Variants in NUCB2 observed in about 807,000 individuals in gnomAD.
NUCB2 encodes nucleobindin-2.
NUCB2 carries 48 observed loss-of-function variants against 57.9 expected under a neutral mutation model. The observed-to-expected ratio is 0.83, with a 90% CI of 0.66 to 1.05. The LOEUF is 1.05. Ranked by LOEUF, NUCB2 falls within the 50% of genes least tolerant of loss-of-function variation. The pLI is 0.00. For missense variants in NUCB2, 442 were observed against 476.2 expected (o/e 0.93, Z 0.67); for synonymous variants, 139 against 152.1 (o/e 0.91, Z 0.64).
chr11:17,322,464 A>T (rs1458649904), intron 11 of NUCB2, among the ~76,000 whole-genome samples: 1 of 152,078 alleles, frequency 6.6e-6, no homozygotes, highest in Non-Finnish European at 1.5e-5. Context: ...GTCTGTTTTT[A>T]TGCCAGTACG....
intron 11 of NUCB2, among the ~76,000 whole-genome samples, chr11:17,316,132 C>T (rs534034902): frequency 8.8e-4 from 134 of 152,042 alleles, no homozygotes; most frequent in African/African-American, 3.1e-3. Context: ...CCACCACGCC[C>T]GGCTAATTTT....
chr11:17,303,864 G>A (rs1207964652), intron 5 of NUCB2, among the ~76,000 whole-genome samples: 4 of 139,270 alleles, frequency 2.9e-5, no homozygotes, highest in African/African-American at 1.1e-4. Context: ...CAGCCTGGGC[G>A]ACAGAGCGAG....
chr11:17,339,362 T>G (rs921080125), intron 2 of NUCB2, among the ~76,000 whole-genome samples: 2 of 152,170 alleles, frequency 1.3e-5, no homozygotes, highest in Non-Finnish European at 2.9e-5. Context: ...GTGATTTTTT[T>G]TATTATACTT....
intron 5 of NUCB2, among the ~76,000 whole-genome samples, chr11:17,302,154 A>C (rs1010440414): frequency 6.6e-6 from 1 of 152,082 alleles, no homozygotes; most frequent in Non-Finnish European, 1.5e-5. Context: ...ATCTTGACCA[A>C]AGAGCTGGGA....
At chr11:17,327,683 A>G (rs1950869674) in intron 11 of NUCB2, among the ~76,000 whole-genome samples, 1 of 152,064 alleles carries the variant, frequency 6.6e-6, no homozygotes, top group Non-Finnish European at 1.5e-5. Flanking sequence ...ATTCTTTCTT[A>G]TACTTGATCA....
At chr11:17,302,923 A>G (rs984538018) in intron 5 of NUCB2, among the ~76,000 whole-genome samples, 12 of 152,156 alleles carry the variant, frequency 7.9e-5, no homozygotes, top group Admixed American at 3.9e-4. Flanking sequence ...TATTTTTAGT[A>G]GAGACGGGGT....
At chr11:17,322,522 G>A (rs943523588) in intron 11 of NUCB2, among the ~76,000 whole-genome samples, 5 of 151,988 alleles carry the variant, frequency 3.3e-5, no homozygotes, top group Non-Finnish European at 2.9e-5. Context: ...GAAGTCAAAT[G>A]ATGTGATTCC....
intron 5 of NUCB2, among the ~76,000 whole-genome samples, chr11:17,304,744 A>G (rs369734127): frequency 5.3e-5 from 8 of 152,348 alleles, no homozygotes; most frequent in East Asian, 1.9e-4. Context: ...ACAGAATGGA[A>G]GAAAAGGACT....
chr11:17,285,014 AATACATAC>A (rs10566571), intron 2 of NUCB2, among the ~76,000 whole-genome samples: 7 of 151,266 alleles, frequency 4.6e-5, no homozygotes, highest in South Asian at 2.1e-4. Flanking sequence ...ACAAAGTCTC[AATACATAC>A]ATACATACAT....
chr11:17,302,021 T>C lies in NUCB2; in HGVS notation c.379+151T>C, dbSNP rs1405720091. On this transcript the variant is annotated intron_variant, in intron 5 of 13. Coordinates refer to ENST00000529010, the MANE Select transcript of NUCB2 (RefSeq NM_005013.4). ...CTCAAGTGATCCTCCCATCTCAACC[T>C]CCTGAGTAGCTGAGACCACAGGTGT... is the stretch of plus-strand genomic sequence containing the variant. 5.0e-6 allele frequency: 3 copies of C among 603,518 alleles called. No homozygotes were observed. In the African/African-American group the frequency reaches 5.6e-5, roughly 11 times the overall value. 37.4% of individuals were successfully genotyped at this position (603,518 alleles called of 1,614,324 possible). A position where few individuals can be genotyped will look rare whatever the true frequency, so the allele number is the denominator to read the frequency against.
At chr11:17,345,504 A>G (rs1347885907) in intron 2 of NUCB2, among the ~76,000 whole-genome samples, 1 of 152,050 alleles carries the variant, frequency 6.6e-6, no homozygotes, top group Non-Finnish European at 1.5e-5. Flanking sequence ...GTCAGGTGTT[A>G]AAGACCAGCC....
At chr11:17,287,005 C>G (rs951603260) in intron 2 of NUCB2, among the ~76,000 whole-genome samples, 4 of 151,774 alleles carry the variant, frequency 2.6e-5, no homozygotes, top group African/African-American at 9.7e-5. Flanking sequence ...CTAGTTATGT[C>G]TAGAATAAGC....
chr11:17,314,346 C>A (rs930977766), intron 10 of NUCB2, among the ~76,000 whole-genome samples: 6 of 152,172 alleles, frequency 3.9e-5, no homozygotes, highest in Non-Finnish European at 1.5e-5. Flanking sequence ...GTCATGTGCT[C>A]TCTTGCACAG....
rs1316133611 is a variant in NUCB2 at position 17,296,140 on chromosome 11, G to A, written c.181G>A (p.Val61Met). The A allele has an allele frequency of 1.2e-6, 2 of 1,611,640 alleles. No individual in the cohort carries two copies. Among genetic ancestry groups the A allele is most frequent in the Admixed American group, 1.7e-5 (1 of 59,888 alleles). The change falls in exon 4 of 14, where the codon GTG (valine) becomes ATG (methionine). Residue 61 changes from valine to methionine, a missense_variant. By Grantham distance (21) the Val-to-Met change is conservative. Transcript: ENST00000529010. The part of the protein sequence containing the change: ...GLYYDEYLKQ[V>M]IDVLETDKHF... ...TTATTATGATGAATATCTCAAGCAAGTGATTGATGTGCTGGAAACAGATAA... is the reference window on the plus strand; with the variant it reads ...TTATTATGATGAATATCTCAAGCAAATGATTGATGTGCTGGAAACAGATAA...
chr11:17,346,177 A>T (rs1952720130), intron 2 of NUCB2, among the ~76,000 whole-genome samples: 1 of 152,238 alleles, frequency 6.6e-6, no homozygotes, highest in African/African-American at 2.4e-5. Flanking sequence ...CCAATGAAGG[A>T]ACCCCTTCTC....
intron 2 of NUCB2, among the ~76,000 whole-genome samples, chr11:17,337,879 C>T (rs1951942267): frequency 6.6e-6 from 1 of 152,186 alleles, no homozygotes; most frequent in Admixed American, 6.5e-5. Context: ...AGGTGATCTG[C>T]CCGCCTCAGC....
At chr11:17,279,779 ATTTTTTT>A (rs34261908) in intron 1 of NUCB2, among the ~76,000 whole-genome samples, 2 of 96,360 alleles carry the variant, frequency 2.1e-5, no homozygotes, top group Non-Finnish European at 2.1e-5. Context: ...TTGGCAGAGC[ATTTTTTT>A]TTTTTTTTTT....
intron 5 of NUCB2, among the ~76,000 whole-genome samples, chr11:17,305,344 G>A (rs1947455142): frequency 6.6e-6 from 1 of 151,742 alleles, no homozygotes; most frequent in African/African-American, 2.4e-5. Context: ...AAAAGAAAAA[G>A]AACACAAGTA....
intron 2 of NUCB2, among the ~76,000 whole-genome samples, chr11:17,284,778 A>G (rs1290401313): frequency 6.6e-6 from 1 of 152,132 alleles, no homozygotes; most frequent in Non-Finnish European, 1.5e-5. Flanking sequence ...CATTTTCATG[A>G]CTTTTAATTT....
Sources: allele counts gnomAD v4.1 joint callset (sites outside exome capture counted in the v4.1 genomes callset), GRCh38; gene constraint gnomAD v4.1.1; transcripts MANE v1.5; gene names NCBI Gene and HGNC (gene_info 2026-07-23, HGNC 2026-07-21).